MCC: variants seen among roughly 807,000 people sequenced by gnomAD.
MCC encodes the protein MCC regulator of Wnt signaling pathway, also known as colorectal mutant cancer protein.
In MCC, 90 loss-of-function variants were observed where a neutral mutation model predicts 116.2. That is an observed-to-expected ratio of 0.77 (90% confidence interval 0.65 to 0.92). The LOEUF is 0.92. Ranked by LOEUF, MCC falls within the 40% of genes least tolerant of loss-of-function variation. The pLI, the probability that MCC is intolerant of heterozygous loss-of-function variation, is 0.00. For synonymous variants in MCC, 578 were observed against 510.5 expected (o/e 1.13, Z -1.78); for missense variants, 1,516 against 1,312.2 (o/e 1.16, Z -2.40).
intron 3 of MCC, among the ~76,000 whole-genome samples, chr5:113,165,229 T>C (rs1457238130): frequency 1.3e-5 from 2 of 152,250 alleles, no homozygotes; most frequent in Non-Finnish European, 2.9e-5. Flanking sequence ...GCTCTTTTCC[T>C]GTAAGGAGCT....
intron 3 of MCC, among the ~76,000 whole-genome samples, chr5:113,184,836 A>G (rs1187398726): frequency 6.6e-6 from 1 of 152,196 alleles, no homozygotes; most frequent in African/African-American, 2.4e-5. Context: ...CTCCAATTCT[A>G]TAATTACCAA....
chr5:113,137,799 T>C (rs1466635742), intron 5 of MCC, among the ~76,000 whole-genome samples: 1 of 152,156 alleles, frequency 6.6e-6, no homozygotes, highest in East Asian at 1.9e-4. Context: ...CCATATACTG[T>C]TGCTAGTTCG....
Position 113,071,126 on chromosome 5 carries a change from A to C in MCC, c.1893T>G (p.Asn631Lys). The C allele has an allele frequency of 6.2e-7, 1 of 1,614,010 alleles. No homozygotes were observed. The highest frequency in any genetic ancestry group is 8.5e-7 in the Non-Finnish European group (1 of 1,180,004). Residue 631 changes from asparagine to lysine, a missense_variant, in exon 12 of 19, where the codon AAT (asparagine) becomes AAG (lysine). By Grantham distance (94) the Asn-to-Lys change is moderately conservative. Coordinates refer to ENST00000408903, the MANE Select transcript of MCC (RefSeq NM_001085377.2). ...GCAAGGCCAGCCTCAGCGCTGTGGCATTGGATTCGTATTTTCCCACCAGCA... is the reference window on the plus strand; with the variant it reads ...GCAAGGCCAGCCTCAGCGCTGTGGCCTTGGATTCGTATTTTCCCACCAGCA... ...MSMLVGKYES[N>K]ATALRLALQY...
chr5:113,479,919 A>T (rs968964624), intron 1 of MCC, among the ~76,000 whole-genome samples: 1 of 152,214 alleles, frequency 6.6e-6, no homozygotes, highest in African/African-American at 2.4e-5. Context: ...TTCCAGAGTT[A>T]CTGTTTCCAA....
intron 3 of MCC, among the ~76,000 whole-genome samples, chr5:113,199,172 C>T (rs960002079): frequency 6.7e-6 from 1 of 149,962 alleles, no homozygotes; most frequent in Admixed American, 6.7e-5. Context: ...ACTCCGTCTC[C>T]AAAGAAAAAA....
chr5:113,437,336 C>T (rs1770893090), intron 1 of MCC, among the ~76,000 whole-genome samples: 1 of 152,170 alleles, frequency 6.6e-6, no homozygotes, highest in South Asian at 2.1e-4. Flanking sequence ...GAGCTTTACA[C>T]ACAGTCATAA....
intron 3 of MCC, among the ~76,000 whole-genome samples, chr5:113,311,383 C>T (rs1463332528): frequency 6.6e-6 from 1 of 152,152 alleles, no homozygotes; most frequent in African/African-American, 2.4e-5. Flanking sequence ...ATATCTGCCG[C>T]TAACGTGAGT....
At chr5:113,192,111 A>G (rs769997550) in intron 3 of MCC, among the ~76,000 whole-genome samples, 31 of 152,162 alleles carry the variant, frequency 2.0e-4, no homozygotes, top group Non-Finnish European at 4.1e-4. Flanking sequence ...CTTAGATCTC[A>G]TTCCAGTGTG....
intron 3 of MCC, among the ~76,000 whole-genome samples, chr5:113,226,226 T>A (rs1763730824): frequency 6.6e-6 from 1 of 152,216 alleles, no homozygotes; most frequent in South Asian, 2.1e-4. Flanking sequence ...AAGAAACCTT[T>A]CTGGAGAGGA....
chr5:113,116,106 C>T (rs1033693440), intron 6 of MCC, among the ~76,000 whole-genome samples: 1 of 152,180 alleles, frequency 6.6e-6, no homozygotes, highest in Non-Finnish European at 1.5e-5. Context: ...CCTGCGGCAG[C>T]TCCAGATCCC....
chr5:113,039,037 T>C (rs972949978), intron 17 of MCC, among the ~76,000 whole-genome samples: 11 of 152,028 alleles, frequency 7.2e-5, no homozygotes, highest in African/African-American at 2.7e-4. Flanking sequence ...CTCCTGCAGG[T>C]AGTATGTGAG....
chr5:113,100,362 C>T (rs755216511), intron 8 of MCC, among the ~76,000 whole-genome samples: 7 of 150,934 alleles, frequency 4.6e-5, no homozygotes, highest in Admixed American at 6.6e-5. Context: ...ATCCTGAGCT[C>T]GTTGAAGCAT....
intron 3 of MCC, 37 bp from the exon 4 acceptor site, chr5:113,151,459 G>A: frequency 8.6e-7 from 1 of 1,163,656 alleles, no homozygotes; most frequent in South Asian, 1.3e-5. Context: ...GAGTATTGTA[G>A]CAGAGATGTA....
intron 1 of MCC, among the ~76,000 whole-genome samples, chr5:113,390,322 C>T (rs1517208): frequency 0.62 from 94,935 of 151,926 alleles, 32,352 homozygotes; most frequent in African/African-American, 0.91. Flanking sequence ...TATTCATGCA[C>T]ATATATCTTA....
Position 113,083,986 on chromosome 5 carries a change from T to C in MCC, c.1635+115A>G, listed in dbSNP as rs78657295. The C allele has an allele frequency of 7.6e-4, 581 of 768,998 alleles. 3 individuals are homozygous for C. The African/African-American group carries it at 9.5e-3, about 13-fold the overall frequency. 47.6% of individuals were successfully genotyped at this position (768,998 alleles called of 1,614,324 possible). ...GAAGGAAATCAGGTATGATTTACTA[T>C]TATAACTAACTGGTTTATTGGAGAT... On this transcript the variant is annotated intron_variant, in intron 10 of 18. Transcript: ENST00000408903.
At chr5:113,207,543 A>G (rs2150322009) in intron 3 of MCC, among the ~76,000 whole-genome samples, 1 of 152,268 alleles carries the variant, frequency 6.6e-6, no homozygotes, top group Admixed American at 6.5e-5. Context: ...ACAAAACAAT[A>G]CTTATCTTTG....
intron 1 of MCC, among the ~76,000 whole-genome samples, chr5:113,449,079 C>A (rs1222555406): frequency 2.0e-5 from 3 of 152,238 alleles, no homozygotes; most frequent in Non-Finnish European, 4.4e-5. Flanking sequence ...GAAAATCCTA[C>A]AGAGGGCCAG....
intron 1 of MCC, among the ~76,000 whole-genome samples, chr5:113,412,035 T>G (rs1770007937): frequency 6.6e-6 from 1 of 152,254 alleles, no homozygotes. Flanking sequence ...CAAAATCCTT[T>G]CCCCATTTCT....
chr5:113,450,595 C>T (rs984961990), intron 1 of MCC, among the ~76,000 whole-genome samples: 1 of 152,234 alleles, frequency 6.6e-6, no homozygotes, highest in Admixed American at 6.5e-5. Flanking sequence ...GATGTTCTCA[C>T]AGCATATGCT....
Sources: gnomAD v4.1 joint callset for allele counts (sites outside exome capture counted in the v4.1 genomes callset) on GRCh38, gnomAD v4.1.1 for gene constraint, MANE v1.5 for transcripts, NCBI Gene and HGNC (gene_info 2026-07-23, HGNC 2026-07-21) for gene names.